Variants in ITGA9 observed in about 807,000 individuals in gnomAD.
ITGA9 encodes integrin alpha-9.
A neutral mutation model predicts 127.8 loss-of-function variants in ITGA9; 56 were observed. The observed-to-expected ratio is 0.44, with a 90% confidence interval of 0.35 to 0.55. The LOEUF (loss-of-function observed/expected upper bound fraction) is 0.55, where lower values mean the gene tolerates loss of function less well. Among genes scored for constraint, ITGA9 ranks in the 20% least tolerant of loss-of-function variants. The probability of loss-of-function intolerance (pLI) is 0.00; values close to 1 mark genes in which losing one functional copy is unlikely to be tolerated. For synonymous variants in ITGA9, 508 were observed against 514.5 expected, an observed-to-expected ratio of 0.99 and a Z score of 0.17; for missense variants, 1,196 against 1,347.1, an observed-to-expected ratio of 0.89 and a Z score of 1.76.
chr3:37,486,993 T>C (rs1432280901), intron 4 of ITGA9, among the ~76,000 whole-genome samples: 1 of 152,212 alleles, frequency 6.6e-6, no homozygotes, highest in Non-Finnish European at 1.5e-5. Flanking sequence ...AAGATTTTTT[T>C]CCCCTTTAAT....
intron 18 of ITGA9, among the ~76,000 whole-genome samples, chr3:37,715,457 A>G (rs534147758): frequency 5.4e-4 from 83 of 152,310 alleles, no homozygotes; most frequent in African/African-American, 1.9e-3. Context: ...AGGAATCTGT[A>G]AAGAGGAGAG....
intron 16 of ITGA9, among the ~76,000 whole-genome samples, chr3:37,643,028 G>A (rs908737666): frequency 3.9e-5 from 6 of 152,238 alleles, no homozygotes; most frequent in Admixed American, 6.5e-5. Flanking sequence ...AAGGCTAAGA[G>A]GGTGGGAGAG....
chr3:37,643,594 T>C (rs965568097), intron 16 of ITGA9, among the ~76,000 whole-genome samples: 5 of 152,272 alleles, frequency 3.3e-5, no homozygotes, highest in South Asian at 2.1e-4. Flanking sequence ...TTCAAGCTTA[T>C]TGAGTTTTCT....
chr3:37,493,828 T>C (rs1698697645), intron 4 of ITGA9, among the ~76,000 whole-genome samples: 1 of 152,188 alleles, frequency 6.6e-6, no homozygotes. Flanking sequence ...TTCCTACCCC[T>C]CTTCCTTGCC....
chr3:37,710,511 C>T (rs969847953), intron 18 of ITGA9, among the ~76,000 whole-genome samples: 4 of 152,274 alleles, frequency 2.6e-5, no homozygotes, highest in East Asian at 1.9e-4. Flanking sequence ...CAGGGCTGTC[C>T]GCTGAACATG....
chr3:37,496,966 C>T (rs1441014515), intron 5 of ITGA9, among the ~76,000 whole-genome samples: 1 of 152,168 alleles, frequency 6.6e-6, no homozygotes, highest in Non-Finnish European at 1.5e-5. Context: ...TTGACACTCC[C>T]CTGCATTGCT....
intron 1 of ITGA9, among the ~76,000 whole-genome samples, chr3:37,469,324 C>A (rs554161751): frequency 6.6e-6 from 1 of 152,182 alleles, no homozygotes; most frequent in African/African-American, 2.4e-5. Context: ...AGAGAGGATA[C>A]GGTTTATAAT....
At chr3:37,707,074 A>G (rs1489806127) in intron 18 of ITGA9, among the ~76,000 whole-genome samples, 4 of 152,238 alleles carry the variant, frequency 2.6e-5, no homozygotes, top group Non-Finnish European at 4.4e-5. Context: ...CATTTAACCT[A>G]TACTATACAA....
intron 18 of ITGA9, among the ~76,000 whole-genome samples, chr3:37,688,113 T>C (rs1270134071): frequency 6.6e-6 from 1 of 152,150 alleles, no homozygotes; most frequent in Non-Finnish European, 1.5e-5. Context: ...CAGCCTTCTC[T>C]AAGTAGGTCC....
chr3:37,620,121 T>C (rs540516575), intron 15 of ITGA9, among the ~76,000 whole-genome samples: 1 of 152,332 alleles, frequency 6.6e-6, no homozygotes, highest in South Asian at 2.1e-4. Context: ...AGAACCATCA[T>C]ATGTCCAGTC....
intron 22 of ITGA9, among the ~76,000 whole-genome samples, chr3:37,747,816 CCTCCTGGGCTCAAG>C (rs1467614688): frequency 6.6e-6 from 1 of 151,446 alleles, no homozygotes; most frequent in Non-Finnish European, 1.5e-5. Flanking sequence ...GCAGCCTCAA[CCTCCTGGGCTCAAG>C]CAATCCTCCC....
intron 18 of ITGA9, among the ~76,000 whole-genome samples, chr3:37,690,581 A>C (rs973488179): frequency 6.6e-6 from 1 of 152,204 alleles, no homozygotes; most frequent in Non-Finnish European, 1.5e-5. Context: ...AGACCTGGAC[A>C]TGAAAGGATA....
chr3:37,644,463 AG>A (rs1321205052), intron 16 of ITGA9, among the ~76,000 whole-genome samples: 2 of 152,182 alleles, frequency 1.3e-5, no homozygotes, highest in Non-Finnish European at 2.9e-5. Flanking sequence ...GGATGATGGG[AG>A]GTTGCTTGTT....
At chr3:37,586,193 T>A (rs1330180645) in intron 15 of ITGA9, among the ~76,000 whole-genome samples, 1 of 152,254 alleles carries the variant, frequency 6.6e-6, no homozygotes, top group Non-Finnish European at 1.5e-5. Flanking sequence ...CAGATTTTTT[T>A]AGATGTTCTA....
chr3:37,641,658 T>A (rs1408178448), intron 16 of ITGA9, among the ~76,000 whole-genome samples: 2 of 151,962 alleles, frequency 1.3e-5, no homozygotes, highest in African/African-American at 4.8e-5. Flanking sequence ...GCTGAGGAGC[T>A]CCCTTCCCCC....
rs139371351 is a variant in ITGA9, at chr3:37,610,238, C to A, written c.1690-18949C>A. Among the ~76,000 whole-genome samples, 348 of 152,234 alleles carry A rather than the reference C, an allele frequency of 2.3e-3. 4 individuals carry two copies. The highest frequency in any genetic ancestry group is 7.7e-3 in the African/African-American group (318 of 41,520). ...AAATTAGATTTTACATTTTTGAGGG[C>A]AGAGCTACTTAATATTGTATTTACC... On this transcript the variant is annotated intron_variant, in intron 15 of 27. Coordinates refer to ENST00000264741, the MANE Select transcript of ITGA9 (RefSeq NM_002207.3).
intron 4 of ITGA9, among the ~76,000 whole-genome samples, chr3:37,491,713 T>C (rs1447777045): frequency 6.6e-6 from 1 of 152,230 alleles, no homozygotes; most frequent in East Asian, 1.9e-4. Flanking sequence ...TGTCCTGCCA[T>C]CTCAGGTCTA....
rs1698208321 is a variant in ITGA9, at chr3:37,452,693, C to G, written c.185+134C>G. 1.9e-5 allele frequency: 15 copies of G among 769,934 alleles called. No homozygotes were observed. 47.7% of individuals were successfully genotyped at this position (769,934 alleles called of 1,614,324 possible). On this transcript the variant is annotated intron_variant, in intron 1 of 27. Transcript: ENST00000264741. This position sits in a 1 kb window ranked among gnomAD's most constrained non-coding sequence, Gnocchi z 7.3. ...GGGCGATTTAAATGTCTCCGTTGCG[C>G]GCGGCTCGGCCGCCGGGGGACGGCG...
intron 16 of ITGA9, among the ~76,000 whole-genome samples, chr3:37,637,576 C>G (rs1243960839): frequency 6.6e-6 from 1 of 152,176 alleles, no homozygotes; most frequent in Non-Finnish European, 1.5e-5. Flanking sequence ...ATGTCATCTG[C>G]AAAGAGGGAC....
Sources: allele counts gnomAD v4.1 joint callset (sites outside exome capture counted in the v4.1 genomes callset), GRCh38; gene constraint gnomAD v4.1.1; non-coding constraint Gnocchi (gnomAD v3.1); transcripts MANE v1.5; gene names NCBI Gene and HGNC (gene_info 2026-07-23, HGNC 2026-07-21).